COG7: variants seen among roughly 807,000 people sequenced by gnomAD.
The protein encoded by COG7 is component of oligomeric golgi complex 7.
COG7 carries 49 observed loss-of-function variants against 91.5 expected under a neutral mutation model. That is an observed-to-expected ratio of 0.54 (90% confidence interval 0.43 to 0.68). COG7 has a LOEUF of 0.68. COG7 is among the 30% of genes least tolerant of loss of function. The pLI, the probability that COG7 is intolerant of heterozygous loss-of-function variation, is 0.00. For synonymous variants in COG7, 365 were observed against 388.7 expected, an observed-to-expected ratio of 0.94 and a Z score of 0.72; for missense variants, 895 against 961.3, an observed-to-expected ratio of 0.93 and a Z score of 0.91.
At chr16:23,450,349 ACCCT>A (rs1159988225) in intron 1 of COG7, among the ~76,000 whole-genome samples, 4 of 152,032 alleles carry the variant, frequency 2.6e-5, no homozygotes, top group African/African-American at 9.7e-5. Context: ...AAGTAACTGC[ACCCT>A]CCTGACAGTT....
At chr16:23,393,871 A>G (rs761782140) in intron 14 of COG7, among the ~76,000 whole-genome samples, 48 of 152,140 alleles carry the variant, frequency 3.2e-4, no homozygotes, top group Middle Eastern at 3.4e-3. Flanking sequence ...GTGAAGCCCT[A>G]TCCTACTAAA....
chr16:23,404,297 C>A (rs2142066007), intron 12 of COG7, among the ~76,000 whole-genome samples: 1 of 152,334 alleles, frequency 6.6e-6, no homozygotes, highest in Middle Eastern at 3.4e-3. Flanking sequence ...GTATGTACAA[C>A]CTCCATGAGT....
At chr16:23,395,397 C>A (rs1400652630) in intron 14 of COG7, among the ~76,000 whole-genome samples, 4 of 152,216 alleles carry the variant, frequency 2.6e-5, no homozygotes, top group Non-Finnish European at 5.9e-5. Context: ...AGACATACTC[C>A]TATATTTGGT....
chr16:23,409,064 CGTGTGTGTGT>C (rs139188327), intron 11 of COG7, among the ~76,000 whole-genome samples: 10 of 141,478 alleles, frequency 7.1e-5, no homozygotes, highest in Middle Eastern at 7.2e-3. Flanking sequence ...AGTGTGCATG[CGTGTGTGTGT>C]GTGTGTGTGT....
intron 4 of COG7, chr16:23,441,984 G>A (rs1390495343): frequency 1.3e-5 from 2 of 156,366 alleles, no homozygotes; most frequent in Non-Finnish European, 2.8e-5. Flanking sequence ...AGGAGAAAGT[G>A]TGTGACCCAA....
In COG7 at chr16:23,434,661, A is replaced by T; in HGVS notation, c.662T>A (p.Leu221Gln). ...CTTGTGACACTTGTAGTAGTAGGCC[A>T]GGAGCTGGGGCATCCGGTCAATTTC... Reference protein sequence around the residue: ...FTEIDRMPQLLAYYYKCHKVQ... With the variant: ...FTEIDRMPQLQAYYYKCHKVQ... The change falls in exon 5 of 17, where the codon CTG (leucine) becomes CAG (glutamine). Residue 221 changes from leucine to glutamine, a missense_variant. Leu to Gln is a moderately radical substitution (Grantham distance 113, BLOSUM62 -2). Coordinates refer to ENST00000307149, the MANE Select transcript of COG7 (RefSeq NM_153603.4). 6.2e-7 allele frequency: 1 copy of T among 1,613,912 alleles called. No homozygotes were observed. The highest frequency in any genetic ancestry group is 8.5e-7 in the Non-Finnish European group (1 of 1,179,762).
chr16:23,452,095 GA>G (rs547770928), intron 1 of COG7, among the ~76,000 whole-genome samples: 1 of 152,086 alleles, frequency 6.6e-6, no homozygotes, highest in Non-Finnish European at 1.5e-5. Flanking sequence ...TTATATTCTG[GA>G]AGGTGCCTCA....
In COG7 at chr16:23,433,681, A is replaced by C; in HGVS notation, c.688-14T>G. On this transcript the variant is annotated splice_polypyrimidine_tract_variant and intron_variant, in intron 5 of 16. Coordinates refer to ENST00000307149, the MANE Select transcript of COG7 (RefSeq NM_153603.4). Reference sequence around the variant, plus strand: ...TAAAAGCTGCACCTGCAGAGACAGAACAAAGGGAACCTTATTGGGTACGTC... The same window carrying C: ...TAAAAGCTGCACCTGCAGAGACAGACCAAAGGGAACCTTATTGGGTACGTC... The C allele has an allele frequency of 1.2e-6, 2 of 1,613,968 alleles. No homozygotes were observed. Among genetic ancestry groups the C allele is most frequent in the South Asian group, 2.2e-5 (2 of 91,070 alleles).
In COG7 at chr16:23,392,289, T is replaced by C. The variant is rs748208005; in HGVS notation, c.2146+91A>G. The C allele has an allele frequency of 3.8e-6, 6 of 1,589,214 alleles. No individual in the cohort carries two copies. The Admixed American group carries it at 8.8e-5, about 23-fold the overall frequency. On this transcript the variant is annotated intron_variant, in intron 16 of 16. Transcript: ENST00000307149. ...TCCACAGCTGAAGCTAAGGGAAGAC[T>C]TGGGATGAGATTCCTGGAGGGCAAA...
chr16:23,395,394 C>A (rs1403541109), intron 14 of COG7, among the ~76,000 whole-genome samples: 1 of 152,228 alleles, frequency 6.6e-6, no homozygotes, highest in African/African-American at 2.4e-5. Flanking sequence ...CCCAGACATA[C>A]TCCTATATTT....
chr16:23,452,668 C>A (rs1274774690), intron 1 of COG7, 158 bp downstream of exon 1: 1 of 1,436,450 alleles, frequency 7.0e-7, no homozygotes, highest in Non-Finnish European at 9.1e-7. Context: ...AGCTGAGACT[C>A]CCGCTGACGT....
intron 4 of COG7, among the ~76,000 whole-genome samples, chr16:23,440,638 G>A (rs141135313): frequency 1.3e-4 from 19 of 151,456 alleles, no homozygotes; most frequent in African/African-American, 4.6e-4. Context: ...TTTATTTTTT[G>A]TAGAGACGGG....
At chr16:23,433,514 T>A (rs1963965440) in intron 6 of COG7, 31 bp downstream of exon 6, 1 of 1,613,766 alleles carries the variant, frequency 6.2e-7, no homozygotes, top group Admixed American at 1.7e-5. Context: ...CCACAGACTC[T>A]GTTCTCCCTA....
chr16:23,388,870 G>A lies in COG7; in HGVS notation c.*50C>T. The A allele has an allele frequency of 6.2e-7, 1 of 1,612,636 alleles. No homozygotes were observed. On this transcript the variant is annotated 3_prime_UTR_variant, in exon 17 of 17. Transcript: ENST00000307149. ...TTTCTGAGCAAATCTGTGCTGGTGAGTCGCGAAACAGCAGCCCTGGCTCTC... is the reference window on the plus strand; with the variant it reads ...TTTCTGAGCAAATCTGTGCTGGTGAATCGCGAAACAGCAGCCCTGGCTCTC...
intron 6 of COG7, among the ~76,000 whole-genome samples, chr16:23,431,433 C>T (rs568510682): frequency 6.6e-5 from 10 of 152,222 alleles, no homozygotes; most frequent in East Asian, 3.9e-4. Flanking sequence ...TCTTAGATGA[C>T]GAAAGGCATT....
intron 12 of COG7, 30 bp from the exon 13 acceptor site, chr16:23,403,864 T>C (rs755561917): frequency 1.2e-6 from 2 of 1,613,994 alleles, no homozygotes; most frequent in Non-Finnish European, 1.7e-6. Context: ...AAGGCAGTTG[T>C]TAGGCCTGAA....
At chr16:23,446,082 C>A (rs1964178343) in intron 1 of COG7, 121 bp from the exon 2 acceptor site, 4 of 1,216,530 alleles carry the variant, frequency 3.3e-6, no homozygotes, top group Non-Finnish European at 4.6e-6. Flanking sequence ...AATGCACGAC[C>A]AACCAAACGG....
At chr16:23,437,661 G>A (rs73544487) in intron 4 of COG7, among the ~76,000 whole-genome samples, 350 of 147,996 alleles carry the variant, frequency 2.4e-3, no homozygotes, top group African/African-American at 8.1e-3. Flanking sequence ...GGGCTTCCAA[G>A]GAAATTCCAC....
chr16:23,431,146 AG>A (rs1963928103), intron 6 of COG7, among the ~76,000 whole-genome samples: 1 of 152,208 alleles, frequency 6.6e-6, no homozygotes, highest in Non-Finnish European at 1.5e-5. Context: ...ACAACGTAGG[AG>A]GTGGCTACAT....
Sources: allele counts gnomAD v4.1 joint callset (sites outside exome capture counted in the v4.1 genomes callset), GRCh38; gene constraint gnomAD v4.1.1; transcripts MANE v1.5; gene names NCBI Gene and HGNC (gene_info 2026-07-23, HGNC 2026-07-21).